Variants in SYT1 observed in about 807,000 individuals in gnomAD.
The protein encoded by SYT1 is synaptotagmin-1.
A neutral mutation model predicts 44.8 loss-of-function variants in SYT1; 8 were observed. That is an observed-to-expected ratio of 0.18 (90% CI 0.10 to 0.32). The LOEUF (loss-of-function observed/expected upper bound fraction) is 0.32. Among genes scored for constraint, SYT1 ranks in the 10% least tolerant of loss-of-function variants. The pLI is 1.00. For synonymous variants in SYT1, 154 were observed against 188.8 expected (o/e 0.82, Z 1.51); for missense variants, 286 against 509.3 (o/e 0.56, Z 4.22).
intron 5 of SYT1, 120 bp downstream of exon 5, chr12:79,286,091 C>T: frequency 9.3e-7 from 1 of 1,077,410 alleles, no homozygotes; most frequent in Non-Finnish European, 1.3e-6. Flanking sequence ...TTTTGAGATG[C>T]TTTGCAAACC....
intron 2 of SYT1, among the ~76,000 whole-genome samples, chr12:79,035,393 G>A (rs547829396): frequency 7.0e-4 from 106 of 151,766 alleles, no homozygotes; most frequent in African/African-American, 2.5e-3. Flanking sequence ...CAGAGTTTAG[G>A]CAGTTACCTT....
At chr12:79,149,413 T>A (rs530452710) in intron 3 of SYT1, among the ~76,000 whole-genome samples, 1 of 152,260 alleles carries the variant, frequency 6.6e-6, no homozygotes, top group East Asian at 1.9e-4. Context: ...TAGGATTTAT[T>A]AATCTGCAAG....
At chr12:79,374,498 CT>C (rs1190665064) in intron 9 of SYT1, among the ~76,000 whole-genome samples, 8 of 152,128 alleles carry the variant, frequency 5.3e-5, no homozygotes, top group African/African-American at 1.9e-4. Context: ...GGTACACATT[CT>C]AACAAATGGT....
At chr12:78,999,490 A>G (rs1200494297) in intron 2 of SYT1, among the ~76,000 whole-genome samples, 3 of 152,180 alleles carry the variant, frequency 2.0e-5, no homozygotes, top group East Asian at 3.8e-4. Context: ...GACAAGTTCA[A>G]TTTTGATTTA....
intron 4 of SYT1, among the ~76,000 whole-genome samples, chr12:79,259,432 A>G (rs1877708073): frequency 6.6e-6 from 1 of 152,242 alleles, no homozygotes; most frequent in Non-Finnish European, 1.5e-5. Flanking sequence ...GTAAAACAAG[A>G]TAATGACAAA....
At chr12:79,128,036 T>A (rs1357735669) in intron 3 of SYT1, among the ~76,000 whole-genome samples, 10 of 152,154 alleles carry the variant, frequency 6.6e-5, no homozygotes, top group Non-Finnish European at 1.5e-4. Context: ...GGTGGGTGGA[T>A]GGACACAGAG....
At chr12:79,064,937 A>C (rs897317758) in intron 3 of SYT1, among the ~76,000 whole-genome samples, 6 of 104,540 alleles carry the variant, frequency 5.7e-5, no homozygotes. Flanking sequence ...AGAAAGAAAG[A>C]AAGAAAGAAA....
At chr12:79,335,318 T>C (rs1882038022) in intron 8 of SYT1, among the ~76,000 whole-genome samples, 1 of 152,078 alleles carries the variant, frequency 6.6e-6, no homozygotes, top group Admixed American at 6.6e-5. Context: ...TTTTCCAGCC[T>C]TTCCTCGTAT....
At chr12:78,976,394 T>C (rs1020540659) in intron 1 of SYT1, among the ~76,000 whole-genome samples, 1 of 152,232 alleles carries the variant, frequency 6.6e-6, no homozygotes, top group Non-Finnish European at 1.5e-5. Flanking sequence ...TAAAACTCTC[T>C]TGTGAAGAAT....
rs185681206 is a variant in SYT1 at position 79,178,183 on chromosome 12, C to G, written c.-17-39320C>G. Among the ~76,000 whole-genome samples the G allele has an allele frequency of 1.0e-3, 157 of 152,184 alleles. 2 individuals are homozygous for G. Among genetic ancestry groups the G allele is most frequent in the African/African-American group, 3.6e-3 (148 of 41,566 alleles). ...TAGCATAGTTGGCCCTTGCCTGAAT[C>G]ACTTATTATATTGACTATTACAAAA... On this transcript the variant is annotated intron_variant, in intron 3 of 10. Coordinates refer to ENST00000261205, the MANE Select transcript of SYT1 (RefSeq NM_005639.3).
chr12:79,273,661 G>A (rs914398043), intron 4 of SYT1, among the ~76,000 whole-genome samples: 11 of 152,086 alleles, frequency 7.2e-5, no homozygotes, highest in South Asian at 4.1e-4. Context: ...TATGAGGAGC[G>A]GCATCAGGAC....
intron 3 of SYT1, among the ~76,000 whole-genome samples, chr12:79,120,891 C>G (rs1266565713): frequency 6.6e-6 from 1 of 150,762 alleles, no homozygotes. Flanking sequence ...GGTGCCTGAC[C>G]TTGAAGGAAG....
chr12:79,409,170 G>A (rs961669455), intron 9 of SYT1, among the ~76,000 whole-genome samples: 3 of 152,042 alleles, frequency 2.0e-5, no homozygotes, highest in African/African-American at 7.2e-5. Flanking sequence ...GTTGTGGTTT[G>A]AAACATCTAT....
intron 3 of SYT1, among the ~76,000 whole-genome samples, chr12:79,199,925 TCCTTTC>T (rs1873679779): frequency 6.6e-6 from 1 of 152,134 alleles, no homozygotes; most frequent in African/African-American, 2.4e-5. Flanking sequence ...AAAGTCTTGA[TCCTTTC>T]CCTTTCCCAA....
chr12:78,943,736 C>T (rs953471550), intron 1 of SYT1, among the ~76,000 whole-genome samples: 2 of 152,198 alleles, frequency 1.3e-5, no homozygotes, highest in Non-Finnish European at 2.9e-5. Flanking sequence ...GTAATAGTGA[C>T]AAGTCATACC....
At chr12:79,145,744 T>TTG (rs1262259486) in intron 3 of SYT1, among the ~76,000 whole-genome samples, 1 of 131,564 alleles carries the variant, frequency 7.6e-6, no homozygotes, top group African/African-American at 2.9e-5. Flanking sequence ...GTGGTTTTTT[T>TTG]TTTTTTTTGT....
chr12:79,057,657 C>T (rs954208948), intron 3 of SYT1, among the ~76,000 whole-genome samples: 1 of 151,760 alleles, frequency 6.6e-6, no homozygotes, highest in Non-Finnish European at 1.5e-5. Context: ...TCTAATTTTG[C>T]ACAAGGTAAA....
intron 9 of SYT1, among the ~76,000 whole-genome samples, chr12:79,384,993 T>TTA (rs1203358899): frequency 3.3e-5 from 5 of 149,776 alleles, no homozygotes; most frequent in Admixed American, 6.7e-5. Flanking sequence ...CTGGATTTTT[T>TTA]TTTTTTTTTT....
At chr12:78,927,872 C>A (rs1390529926) in intron 1 of SYT1, among the ~76,000 whole-genome samples, 7 of 152,114 alleles carry the variant, frequency 4.6e-5, no homozygotes, top group African/African-American at 2.4e-5. Context: ...AATGATGCTT[C>A]TATTTGCATT....
Sources: gnomAD v4.1 joint callset for allele counts (sites outside exome capture counted in the v4.1 genomes callset) on GRCh38, gnomAD v4.1.1 for gene constraint, MANE v1.5 for transcripts, NCBI Gene and HGNC (gene_info 2026-07-23, HGNC 2026-07-21) for gene names.